The following ZNF717 variants were observed in gnomAD, a reference collection of about 807,000 sequenced individuals.
ZNF717 encodes zinc finger protein 717, also known as krueppel-like factor X17.
ZNF717 carries 9 observed loss-of-function variants against 13.8 expected under a neutral mutation model. The observed-to-expected ratio is 0.65, with a 90% CI of 0.39 to 1.14. ZNF717 has a LOEUF of 1.14. Ranked by LOEUF, ZNF717 falls within the 50% of genes most tolerant of loss-of-function variation. ZNF717 has a pLI of 0.01. For synonymous variants in ZNF717, 327 were observed against 364.1 expected, an observed-to-expected ratio of 0.90 and a Z score of 1.16; for missense variants, 1,040 against 1,080.7, an observed-to-expected ratio of 0.96 and a Z score of 0.53.
downstream of ZNF717, among the ~76,000 whole-genome samples, chr3:75,728,425 TAC>T (rs1575726867): frequency 6.6e-6 from 1 of 152,206 alleles, no homozygotes; most frequent in East Asian, 1.9e-4. Context: ...TATTGAGAAA[TAC>T]AGTTTTCATG....
intron 2 of ZNF717, among the ~76,000 whole-genome samples, chr3:75,764,475 G>A (rs1348323593): frequency 6.6e-6 from 1 of 152,192 alleles, no homozygotes; most frequent in African/African-American, 2.4e-5. Flanking sequence ...AACGTAATGA[G>A]GATGAACTGT....
rs1939642413 is a variant in ZNF717, at chr3:75,737,914, T to A, written c.1709A>T (p.Lys570Ile). 1 of 1,549,618 alleles carries A rather than the reference T, an allele frequency of 6.5e-7. No homozygotes were observed. Among genetic ancestry groups the A allele is most frequent in the Non-Finnish European group, 8.7e-7 (1 of 1,145,388 alleles). Residue 570 changes from lysine to isoleucine, a missense_variant, in exon 5 of 5, where the codon AAA becomes ATA. Lys to Ile is a moderately radical substitution (Grantham distance 102, BLOSUM62 -3). This residue lies in a region of ZNF717 where 873 missense variants were observed against 832.8 expected (regional missense o/e 1.05). Coordinates refer to ENST00000652011, the MANE Select transcript of ZNF717 (RefSeq NM_001290208.3). ...TAGGAATGACTTACAGTGAAAGGAT[T>A]TTCCACATTCATTACATTCATAGGG... ...EKPYECNECG[K>I]SFHCKSFLTI... is the part of the protein sequence containing the mutation.
chr3:75,707,524 G>A (rs1266028084), downstream of ZNF717, among the ~76,000 whole-genome samples: 19 of 152,296 alleles, frequency 1.2e-4, no homozygotes, highest in Admixed American at 5.2e-4. Context: ...CAGCATGAAC[G>A]ACGCAGAAGA....
In ZNF717 at chr3:75,774,610, G is replaced by GTT. The variant is rs537149833; in HGVS notation, c.57+8694_57+8695dup. 5.7e-4 allele frequency among the ~76,000 whole-genome samples: 46 copies of GTT among 80,214 alleles called. 2 individuals carry two copies. Among genetic ancestry groups the GTT allele is most frequent in the African/African-American group, 1.4e-3 (27 of 19,914 alleles). 52.6% of individuals were successfully genotyped at this position (80,214 alleles called of 152,430 possible). A position where few individuals can be genotyped will look rare whatever the true frequency, so the allele number is the denominator to read the frequency against. On this transcript the variant is annotated intron_variant, in intron 2 of 4. Coordinates refer to ENST00000652011, the MANE Select transcript of ZNF717 (RefSeq NM_001290208.3). ...GTATAGAATTTCTAAAATTCTTGTGGTTTTTTTTTTTTTTTTTTTTTTTTT... is the reference window on the plus strand; with the variant it reads ...GTATAGAATTTCTAAAATTCTTGTGGTTTTTTTTTTTTTTTTTTTTTTTTTTT...
chr3:75,730,761 T>A, intron 5 of ZNF717: 1 of 577,654 alleles, frequency 1.7e-6, no homozygotes, highest in Non-Finnish European at 3.0e-6. Context: ...AGAAATAGAC[T>A]GTTAAAACCA....
intron 2 of ZNF717, among the ~76,000 whole-genome samples, chr3:75,758,339 G>A (rs1246277837): frequency 1.3e-5 from 2 of 152,084 alleles, no homozygotes; most frequent in African/African-American, 2.4e-5. Context: ...GATGAGCAAA[G>A]AAAGTAGTTT....
chr3:75,727,240 G>C (rs374054507), downstream of ZNF717, among the ~76,000 whole-genome samples: 4 of 152,212 alleles, frequency 2.6e-5, no homozygotes, highest in Non-Finnish European at 5.9e-5. Flanking sequence ...AAACATGTGT[G>C]TTCAAACAAT....
chr3:75,742,307 G>A, intron 2 of ZNF717, among the ~76,000 whole-genome samples: 1 of 134,634 alleles, frequency 7.4e-6, no homozygotes, highest in African/African-American at 2.9e-5. Context: ...CTGACCAACA[G>A]AGAGCCTACC....
chr3:75,777,656 C>T lies in ZNF717; in HGVS notation c.57+5650G>A, dbSNP rs376791647. 3.4e-5 allele frequency among the ~76,000 whole-genome samples: 5 copies of T among 148,546 alleles called. No individual in the cohort carries two copies. In the East Asian group the frequency reaches 6.1e-4, roughly 18 times the overall value. ...AAAAATGGGAGTGATATGCTAAAAC[C>T]GGAACCCAAAACAATGGGAGTGACT... On this transcript the variant is annotated intron_variant, in intron 2 of 4. Coordinates refer to ENST00000652011, the MANE Select transcript of ZNF717 (RefSeq NM_001290208.3).
At chr3:75,722,752 T>G (rs1368096141) in intron 4 of ZNF717, among the ~76,000 whole-genome samples, 3 of 134,374 alleles carry the variant, frequency 2.2e-5, no homozygotes, top group Admixed American at 8.9e-5. Flanking sequence ...AGGTGGAGGT[T>G]GCAGTGAGCC....
chr3:75,750,075 C>T, intron 2 of ZNF717, among the ~76,000 whole-genome samples: 1 of 151,654 alleles, frequency 6.6e-6, no homozygotes, highest in East Asian at 2.0e-4. Flanking sequence ...ATGTTTGTCC[C>T]TCACATAGGA....
rs1377904392 is a variant in ZNF717, at chr3:75,701,895, C to G, written n.1085+9292G>C. Among the ~76,000 whole-genome samples, 367 of 152,318 alleles carry G rather than the reference C, an allele frequency of 2.4e-3. No individual in the cohort carries two copies. In the East Asian group the frequency reaches 0.064, roughly 27 times the overall value. On this transcript the variant is annotated intron_variant and non_coding_transcript_variant, in intron 6 of 6. Coordinates refer to the ZNF717 transcript ENST00000648506. ...GCAAATGAAAAGGTGCTCCACATTA[C>G]TGATCATCATAGAAATGCAAATCAA...
At position 75,737,142 on chromosome 3, in the gene ZNF717, T is replaced by G. The variant is rs17028819; in HGVS notation, c.2481A>C (p.Ser827=). Residue 827 remains serine, a synonymous_variant, in exon 5 of 5, where the codon TCA becomes TCC. Coordinates refer to ENST00000652011, the MANE Select transcript of ZNF717 (RefSeq NM_001290208.3). ...GAGTTCTGTGATGTACAAAGAGTTT[T>G]GACTTCTGGGAGAAGGTTTTCCTAC... ...KECRKTFSQK[S]KLFVHHRTHT... 45,640 of 1,559,358 alleles carry G rather than the reference T, an allele frequency of 0.029. 245 individuals are homozygous for G. Among genetic ancestry groups the G allele is most frequent in the South Asian group, 0.064 (5,402 of 84,776 alleles).
chr3:75,743,175 C>A (rs1200008577), intron 2 of ZNF717, among the ~76,000 whole-genome samples: 1 of 152,158 alleles, frequency 6.6e-6, no homozygotes, highest in African/African-American at 2.4e-5. Context: ...AGAAAGTAAT[C>A]CCATCAGTAA....
intron 3 of ZNF717, 65 bp downstream of exon 3, chr3:75,741,545 A>G (rs1940436526): frequency 2.0e-6 from 3 of 1,534,110 alleles, no homozygotes; most frequent in South Asian, 2.4e-5. Flanking sequence ...TTATACCTTA[A>G]AAGGGTTCCT....
rs1182687793 is a variant in ZNF717 at position 75,741,271 on chromosome 3, C to G, written c.277+5G>C. 1 of 1,529,264 alleles carries G rather than the reference C, an allele frequency of 6.5e-7. No individual in the cohort carries two copies. Among genetic ancestry groups the G allele is most frequent in the Non-Finnish European group, 8.9e-7 (1 of 1,127,014 alleles). 94.7% of individuals were successfully genotyped at this position (1,529,264 alleles called of 1,614,324 possible). On this transcript the variant is annotated splice_donor_5th_base_variant and intron_variant, in intron 4 of 4. Transcript: ENST00000652011. ...GGCCTCCCTGCCTGGTATTCACTGACTGACCTGAAAGTCTCAGGTTTGGGG... is the reference window on the plus strand; with the variant it reads ...GGCCTCCCTGCCTGGTATTCACTGAGTGACCTGAAAGTCTCAGGTTTGGGG...
At chr3:75,750,094 C>T (rs1386018218) in intron 2 of ZNF717, among the ~76,000 whole-genome samples, 1 of 151,354 alleles carries the variant, frequency 6.6e-6, no homozygotes, top group Non-Finnish European at 1.5e-5. Context: ...GATACCAGTA[C>T]CCTGCTGCTA....
At chr3:75,702,897 T>C (rs1424136745) in intron 6 of ZNF717, among the ~76,000 whole-genome samples, 131 of 151,672 alleles carry the variant, frequency 8.6e-4, no homozygotes, top group Middle Eastern at 3.4e-3. Flanking sequence ...ATTTAGTCAA[T>C]AGGGGCTTAA....
At chr3:75,764,785 A>G (rs1313016076) in intron 2 of ZNF717, among the ~76,000 whole-genome samples, 1 of 152,064 alleles carries the variant, frequency 6.6e-6, no homozygotes, top group Non-Finnish European at 1.5e-5. Flanking sequence ...ACCCTTGTAC[A>G]CTGTTGGTGG....
Sources: allele counts gnomAD v4.1 joint callset (sites outside exome capture counted in the v4.1 genomes callset), GRCh38; gene constraint gnomAD v4.1.1; regional missense constraint gnomAD v4.1.1; transcripts MANE v1.5; gene names NCBI Gene and HGNC (gene_info 2026-07-23, HGNC 2026-07-21).